The following ASXL2 variants were observed in gnomAD, a reference collection of about 807,000 sequenced individuals.
ASXL2 encodes the protein ASXL transcriptional regulator 2, also known as putative Polycomb group protein ASXL2.
In ASXL2, 23 loss-of-function variants were observed where a neutral mutation model predicts 122.0. The observed-to-expected ratio is 0.19, with a 90% CI of 0.14 to 0.27. ASXL2 has a LOEUF of 0.27. ASXL2 is among the 10% of genes least tolerant of loss of function. The pLI is 1.00. For synonymous variants in ASXL2, 650 were observed against 637.0 expected (o/e 1.02, Z -0.31); for missense variants, 1,518 against 1,713.8 (o/e 0.89, Z 2.02).
chr2:25,839,929 C>T (rs1327795439), intron 2 of ASXL2, among the ~76,000 whole-genome samples: 1 of 148,478 alleles, frequency 6.7e-6, no homozygotes, highest in East Asian at 2.0e-4. Flanking sequence ...CAAGGTCTCG[C>T]TATCTTGTTC....
Position 25,743,375 on chromosome 2 carries a change from T to C in ASXL2, c.2962A>G (p.Arg988Gly). The part of the protein sequence containing the change: ...KTVPLTAKEE[R>G]GMGALIATNT... ...GTAGCTATGAGCGCTCCCATCCCCC[T>C]TTCCTCTTTTGCAGTCAGTGGAACC... Residue 988 changes from arginine (R) to glycine (G), a missense_variant, in exon 13 of 13, where the codon AGG becomes GGG. By Grantham distance (125) the Arg-to-Gly change is moderately radical. Around this residue, in one of 8 missense-constraint regions of ASXL2, gnomAD observed 831 missense variants for 833.1 expected, o/e 1.00. Coordinates refer to ENST00000435504, the MANE Select transcript of ASXL2 (RefSeq NM_018263.6). 1 of 1,613,992 alleles carries C rather than the reference T, an allele frequency of 6.2e-7. No individual in the cohort carries two copies. The highest frequency in any genetic ancestry group is 8.5e-7 in the Non-Finnish European group (1 of 1,179,892).
In ASXL2 at chr2:25,742,834, T is replaced by C; in HGVS notation, c.3503A>G (p.Asn1168Ser). 1 of 1,613,988 alleles carries C rather than the reference T, an allele frequency of 6.2e-7. No individual in the cohort carries two copies. The highest frequency in any genetic ancestry group is 8.5e-7 in the Non-Finnish European group (1 of 1,179,898). Residue 1168 changes from asparagine (N) to serine (S), a missense_variant, in exon 13 of 13, where the codon AAT (asparagine) becomes AGT (serine). Asn to Ser is a conservative substitution (Grantham distance 46). Coordinates refer to ENST00000435504, the MANE Select transcript of ASXL2 (RefSeq NM_018263.6). ...GCTGCTGCTACTCTCTCCTGTTGCA[T>C]TTTTACAGTCTGTATATCCCATTTT... ...ALKMGYTDCKNATGESSSSKE... is the reference protein window; with the variant it reads ...ALKMGYTDCKSATGESSSSKE...
intron 8 of ASXL2, among the ~76,000 whole-genome samples, chr2:25,764,765 C>A (rs989023487): frequency 2.6e-5 from 4 of 152,210 alleles, no homozygotes; most frequent in African/African-American, 4.8e-5. Context: ...GGACTGTCAA[C>A]CTTCCTTGAA....
intron 11 of ASXL2, among the ~76,000 whole-genome samples, chr2:25,752,188 C>T (rs1359941327): frequency 6.6e-6 from 1 of 152,090 alleles, no homozygotes; most frequent in South Asian, 2.1e-4. Flanking sequence ...GCTGTGGTTA[C>T]GGGTCTTCTT....
At chr2:25,768,429 G>A (rs981549496) in intron 7 of ASXL2, among the ~76,000 whole-genome samples, 6 of 152,116 alleles carry the variant, frequency 3.9e-5, no homozygotes, top group Non-Finnish European at 4.4e-5. Flanking sequence ...TCAGCTTCCC[G>A]AGTAGCTGGG....
Position 25,735,138 on chromosome 2 carries a change from T to C in ASXL2, c.*6891A>G, listed in dbSNP as rs922091323. ...TCCAAGTTGATCCTTTCTGGCTCTTTTCCTGGTTTCGCTTTTTCTTCCTGT... is the reference window on the plus strand; with the variant it reads ...TCCAAGTTGATCCTTTCTGGCTCTTCTCCTGGTTTCGCTTTTTCTTCCTGT... On this transcript the variant is annotated 3_prime_UTR_variant, in exon 13 of 13. Coordinates refer to ENST00000435504, the MANE Select transcript of ASXL2 (RefSeq NM_018263.6). 2.6e-5 allele frequency: 4 copies of C among 152,244 alleles called. No individual in the cohort carries two copies. Among genetic ancestry groups the C allele is most frequent in the African/African-American group, 4.8e-5 (2 of 41,460 alleles). 9.4% of individuals were successfully genotyped at this position (152,244 alleles called of 1,614,324 possible). A position where few individuals can be genotyped will look rare whatever the true frequency, so the allele number is the denominator to read the frequency against.
chr2:25,830,750 TA>T (rs1165902648), intron 3 of ASXL2: 2 of 151,676 alleles, frequency 1.3e-5, no homozygotes, highest in African/African-American at 4.8e-5. Flanking sequence ...ACAGAACTTT[TA>T]AAAAGAAATC....
At chr2:25,788,619 T>C (rs774987539) in intron 5 of ASXL2, among the ~76,000 whole-genome samples, 16 of 152,202 alleles carry the variant, frequency 1.1e-4, no homozygotes, top group Non-Finnish European at 1.8e-4. Flanking sequence ...CATCAGTCTT[T>C]TTAATTTTGG....
chr2:25,774,538 T>C (rs774643739), intron 5 of ASXL2, among the ~76,000 whole-genome samples: 2 of 152,132 alleles, frequency 1.3e-5, no homozygotes, highest in Admixed American at 6.5e-5. Context: ...TGAATTTATA[T>C]GTAGTTTTCC....
intron 2 of ASXL2, among the ~76,000 whole-genome samples, chr2:25,841,940 C>CT (rs1237354297): frequency 1.5e-5 from 2 of 136,084 alleles, no homozygotes; most frequent in Non-Finnish European, 3.1e-5. Context: ...GAGCGAGACT[C>CT]TGTCTCAAAA....
chr2:25,860,868 T>C (rs2089837204), intron 1 of ASXL2, among the ~76,000 whole-genome samples: 1 of 151,498 alleles, frequency 6.6e-6, no homozygotes, highest in Non-Finnish European at 1.5e-5. Flanking sequence ...AAAAATTAAT[T>C]GGGCATGGTG....
intron 11 of ASXL2, among the ~76,000 whole-genome samples, chr2:25,752,423 CTTTTACAGAGGA>C (rs1349660546): frequency 6.6e-6 from 1 of 152,166 alleles, no homozygotes; most frequent in Non-Finnish European, 1.5e-5. Flanking sequence ...CCCAGAGTGC[CTTTTACAGAGGA>C]GAGGCTCTTT....
intron 3 of ASXL2, among the ~76,000 whole-genome samples, chr2:25,834,471 T>C (rs1265780285): frequency 6.6e-6 from 1 of 152,228 alleles, no homozygotes; most frequent in Non-Finnish European, 1.5e-5. Context: ...TTGTAAGACC[T>C]TAATTAAGCT....
In ASXL2 at chr2:25,842,256, C is replaced by G. The variant is rs142626859; in HGVS notation, c.140+3225G>C. The stretch of plus-strand genomic sequence containing the variant: ...ATGGAGACCTAAAAGACTTAACTGT[C>G]CAATAGGTGAGCGAAAGCACATTCC... On this transcript the variant is annotated intron_variant, in intron 2 of 12. Transcript: ENST00000435504. Among the ~76,000 whole-genome samples the G allele has an allele frequency of 1.8e-4, 27 of 152,254 alleles. No homozygotes were observed. In the East Asian group the frequency reaches 5.0e-3, roughly 28 times the overall value.
Position 25,744,321 on chromosome 2 carries a change from T to G in ASXL2, c.2016A>C (p.Ala672=). The G allele has an allele frequency of 8.1e-6, 13 of 1,613,942 alleles. No homozygotes were observed. Among genetic ancestry groups the G allele is most frequent in the Non-Finnish European group, 1.1e-5 (13 of 1,179,862 alleles). Residue 672 remains alanine, a synonymous_variant, in exon 13 of 13, where the codon GCA becomes GCC. Coordinates refer to ENST00000435504, the MANE Select transcript of ASXL2 (RefSeq NM_018263.6). The surrounding 1 kb of genome is among the most constrained non-coding windows in gnomAD (Gnocchi z 4.7). ...CAGCTGCGGCGGCAGCGGCAGCTGC[T>G]GCCCTCTGTGCTTTGACCAGTTGGG... ...AKAQLVKAQR[A]AAAAAAAAAA...
chr2:25,809,535 A>G (rs2089135730), intron 3 of ASXL2, among the ~76,000 whole-genome samples: 2 of 152,188 alleles, frequency 1.3e-5, no homozygotes, highest in Admixed American at 1.3e-4. Flanking sequence ...AAAGGGCAAT[A>G]TGCATTAAGC....
At chr2:25,781,803 G>A (rs1396669555) in intron 5 of ASXL2, among the ~76,000 whole-genome samples, 2 of 151,542 alleles carry the variant, frequency 1.3e-5, no homozygotes, top group Non-Finnish European at 2.9e-5. Flanking sequence ...CGAGCAGCTG[G>A]GACTACAGGC....
chr2:25,742,101 G>A lies in ASXL2; in HGVS notation c.4236C>T (p.Gly1412=), dbSNP rs2087838504. ...AATCATCATGGCAGAAAGCGCCACA[G>A]CCTTTGCACATGATCATGGCTTTCA... is the stretch of plus-strand genomic sequence containing the variant. ...CRLKAMIMCK[G]CGAFCHDDCI... Residue 1412 remains glycine, a synonymous_variant, in exon 13 of 13, where the codon GGC becomes GGT. Coordinates refer to ENST00000435504, the MANE Select transcript of ASXL2 (RefSeq NM_018263.6). 6.2e-7 allele frequency: 1 copy of A among 1,613,902 alleles called. No homozygotes were observed. The highest frequency in any genetic ancestry group is 2.2e-5 in the East Asian group (1 of 44,902).
chr2:25,781,299 C>T (rs2088633057), intron 5 of ASXL2, among the ~76,000 whole-genome samples: 1 of 151,640 alleles, frequency 6.6e-6, no homozygotes, highest in African/African-American at 2.4e-5. Flanking sequence ...TTTGGGAGGT[C>T]GCAGGAGGAG....
Sources: gnomAD v4.1 joint callset for allele counts (sites outside exome capture counted in the v4.1 genomes callset) on GRCh38, gnomAD v4.1.1 for gene constraint, gnomAD v4.1.1 regional missense constraint, Gnocchi (gnomAD v3.1) non-coding constraint, MANE v1.5 for transcripts, NCBI Gene and HGNC (gene_info 2026-07-23, HGNC 2026-07-21) for gene names.